GRIP1: variants seen among roughly 807,000 people sequenced by gnomAD.
The protein encoded by GRIP1 is glutamate receptor interacting protein 1, also known as glutamate receptor-interacting protein 1.
Under a neutral mutation model 129.9 loss-of-function variants are expected in GRIP1, and 45 were observed. The observed-to-expected ratio is 0.35, with a 90% CI of 0.27 to 0.44. The LOEUF (loss-of-function observed/expected upper bound fraction) is 0.44. Among genes scored for constraint, GRIP1 ranks in the 20% least tolerant of loss-of-function variants. GRIP1 has a pLI of 1.00. For synonymous variants in GRIP1, 530 were observed against 520.8 expected, an observed-to-expected ratio of 1.02 and a Z score of -0.24; for missense variants, 1,196 against 1,396.8, an observed-to-expected ratio of 0.86 and a Z score of 2.29.
At chr12:66,956,757 G>A (rs1456379801) in intron 1 of GRIP1, among the ~76,000 whole-genome samples, 2 of 152,062 alleles carry the variant, frequency 1.3e-5, no homozygotes, top group African/African-American at 4.8e-5. Context: ...AAACAATCTG[G>A]GCACTAGGCA....
chr12:66,546,480 AC>A (rs2061950405), intron 2 of GRIP1, among the ~76,000 whole-genome samples: 1 of 152,112 alleles, frequency 6.6e-6, no homozygotes, highest in South Asian at 2.1e-4. Flanking sequence ...ATAGAGTGAT[AC>A]CCTGTATCAA....
At chr12:67,004,718 A>G (rs1343547227) in intron 1 of GRIP1, among the ~76,000 whole-genome samples, 2 of 152,204 alleles carry the variant, frequency 1.3e-5, no homozygotes, top group Non-Finnish European at 2.9e-5. Flanking sequence ...GTTGAGCACC[A>G]TATGACAGCA....
intron 1 of GRIP1, among the ~76,000 whole-genome samples, chr12:66,662,833 T>C (rs2033589994): frequency 6.6e-6 from 1 of 152,182 alleles, no homozygotes; most frequent in Non-Finnish European, 1.5e-5. Flanking sequence ...CTACCCTTCC[T>C]GATCTCATTG....
intron 1 of GRIP1, chr12:66,626,773 C>T (rs1285722318): frequency 6.5e-6 from 1 of 152,912 alleles, no homozygotes; most frequent in South Asian, 2.1e-4. Flanking sequence ...GCATAGAATC[C>T]TGATGAGAAA....
chr12:66,936,947 A>G (rs1055609688), intron 1 of GRIP1, among the ~76,000 whole-genome samples: 2 of 152,132 alleles, frequency 1.3e-5, no homozygotes, highest in Non-Finnish European at 2.9e-5. Flanking sequence ...TTTTCTCATC[A>G]GTGAGTGGGG....
At chr12:67,036,980 A>G (rs926071957) in intron 1 of GRIP1, among the ~76,000 whole-genome samples, 11 of 152,128 alleles carry the variant, frequency 7.2e-5, no homozygotes, top group African/African-American at 1.9e-4. Flanking sequence ...GTGTGTAAGT[A>G]TGGTTTGGGG....
At chr12:66,734,581 T>C (rs2036537716) in intron 1 of GRIP1, among the ~76,000 whole-genome samples, 1 of 152,224 alleles carries the variant, frequency 6.6e-6, no homozygotes, top group Non-Finnish European at 1.5e-5. Flanking sequence ...ATTCATTTTC[T>C]TAGTATACAG....
chr12:66,447,169 C>T (rs1007154516), intron 11 of GRIP1, among the ~76,000 whole-genome samples: 22 of 152,162 alleles, frequency 1.4e-4, no homozygotes, highest in African/African-American at 1.4e-4. Context: ...CGCCCACTGG[C>T]TTTGCTGGCA....
chr12:66,970,603 T>A, intron 1 of GRIP1, among the ~76,000 whole-genome samples: 1 of 123,366 alleles, frequency 8.1e-6, no homozygotes, highest in East Asian at 3.1e-4. Flanking sequence ...CCCCTCTCCT[T>A]GGCCAGCCAG....
chr12:66,419,972 C>A lies in GRIP1; in HGVS notation c.1838+748G>T, dbSNP rs150023764. 2.1e-3 allele frequency among the ~76,000 whole-genome samples: 327 copies of A among 152,288 alleles called. 2 individuals carry two copies. The highest frequency in any genetic ancestry group is 6.8e-3 in the Middle Eastern group (2 of 294). On this transcript the variant is annotated intron_variant, in intron 15 of 24. Transcript: ENST00000359742. ...CTTAGCCGGGCATGGCGGTGTGCAC[C>A]TGTAATCCCAGCTACTTGGGAGGCT...
At chr12:66,849,368 T>A (rs2039872433) in intron 1 of GRIP1, among the ~76,000 whole-genome samples, 1 of 152,198 alleles carries the variant, frequency 6.6e-6, no homozygotes, top group South Asian at 2.1e-4. Context: ...ACTTCATCAC[T>A]TATTTTGAAA....
At chr12:66,376,255 G>A (rs1495496) in intron 22 of GRIP1, among the ~76,000 whole-genome samples, 23,507 of 152,182 alleles carry the variant, frequency 0.15, 2,379 homozygotes, top group East Asian at 0.21. Context: ...ACATGCAATT[G>A]AGAAGCAAAA....
At chr12:66,565,728 T>G (rs542643888) in intron 2 of GRIP1, among the ~76,000 whole-genome samples, 1 of 152,358 alleles carries the variant, frequency 6.6e-6, no homozygotes, top group East Asian at 1.9e-4. Flanking sequence ...TATGGCCATT[T>G]TCACGATATT....
At chr12:67,004,656 T>G (rs1409565985) in intron 1 of GRIP1, among the ~76,000 whole-genome samples, 1 of 150,388 alleles carries the variant, frequency 6.6e-6, no homozygotes. Flanking sequence ...AAAAGAGGAG[T>G]GAAAAAAATA....
chr12:66,849,641 T>C (rs2039877107), intron 1 of GRIP1, among the ~76,000 whole-genome samples: 1 of 152,054 alleles, frequency 6.6e-6, no homozygotes. Flanking sequence ...AAAAATCCTT[T>C]TATTTACCTT....
At chr12:66,719,961 G>C (rs1678646432) in intron 1 of GRIP1, among the ~76,000 whole-genome samples, 1 of 152,130 alleles carries the variant, frequency 6.6e-6, no homozygotes, top group Admixed American at 6.6e-5. Flanking sequence ...GTATTAATCT[G>C]AATAGGACAT....
chr12:66,795,911 G>A (rs987704176), intron 1 of GRIP1, among the ~76,000 whole-genome samples: 4 of 152,096 alleles, frequency 2.6e-5, no homozygotes, highest in Non-Finnish European at 5.9e-5. Flanking sequence ...AACAAACAAC[G>A]ACTATAAAGC....
At chr12:66,804,165 A>G (rs1268450580) in exon 1 of GRIP1, 1 of 455,722 alleles carries the variant, frequency 2.2e-6, no homozygotes, top group Non-Finnish European at 4.4e-6. Context: ...TCGCCTTGAC[A>G]AAACCCAGGA....
intron 7 of GRIP1, among the ~76,000 whole-genome samples, chr12:66,500,828 T>C (rs2060372919): frequency 6.6e-6 from 1 of 152,220 alleles, no homozygotes; most frequent in African/African-American, 2.4e-5. Context: ...TGTCTTCAGG[T>C]AGTAAGAACT....
Sources: gnomAD v4.1 joint callset for allele counts (sites outside exome capture counted in the v4.1 genomes callset) on GRCh38, gnomAD v4.1.1 for gene constraint, MANE v1.5 for transcripts, NCBI Gene and HGNC (gene_info 2026-07-23, HGNC 2026-07-21) for gene names.